The following KRTDAP variants were observed in gnomAD, a reference collection of about 807,000 sequenced individuals.
KRTDAP encodes the protein keratinocyte differentiation associated protein, also known as keratinocyte differentiation-associated protein.
A neutral mutation model predicts 18.6 loss-of-function variants in KRTDAP; 14 were observed. That is an observed-to-expected ratio of 0.75 (90% confidence interval 0.50 to 1.18). The LOEUF is 1.18. Among genes scored for constraint, KRTDAP ranks in the 50% most tolerant of loss-of-function variants. The pLI is 0.00. For missense variants in KRTDAP, 114 were observed against 121.3 expected, an observed-to-expected ratio of 0.94 and a Z score of 0.28; for synonymous variants, 53 against 49.5, an observed-to-expected ratio of 1.07 and a Z score of -0.29.
intron 5 of KRTDAP, 98 bp downstream of exon 5, chr19:35,487,614 G>T: frequency 8.2e-7 from 1 of 1,217,798 alleles, no homozygotes; most frequent in Non-Finnish European, 1.2e-6. Context: ...TGGTGAGAAG[G>T]CTGATCCTCC....
At chr19:35,490,324 T>C in intron 1 of KRTDAP, 32 bp downstream of exon 1, 1 of 1,429,592 alleles carries the variant, frequency 7.0e-7, no homozygotes, top group Non-Finnish European at 9.7e-7. Flanking sequence ...GGGTAACACG[T>C]ATAAGAATAA....
chr19:35,488,562 G>A (rs10407971), intron 3 of KRTDAP, 77 bp from the exon 4 acceptor site: 65,902 of 1,607,120 alleles, frequency 0.041, 1,644 homozygotes, highest in African/African-American at 0.1. Flanking sequence ...CTCTGGAGAA[G>A]GTGAAGGAAC....
At chr19:35,489,588 G>T (rs186652894) in intron 1 of KRTDAP, among the ~76,000 whole-genome samples, 3 of 152,234 alleles carry the variant, frequency 2.0e-5, no homozygotes, top group Admixed American at 1.3e-4. Flanking sequence ...TGGGAAAGTT[G>T]GCCCCATTTC....
chr19:35,488,827 A>G lies in KRTDAP; in HGVS notation c.101T>C (p.Ile34Thr), dbSNP rs373361129. 48 of 1,613,948 alleles carry G rather than the reference A, an allele frequency of 3.0e-5. No individual in the cohort carries two copies. The highest frequency in any genetic ancestry group is 3.8e-5 in the Non-Finnish European group (45 of 1,180,026). The change falls in exon 2 of 6, where the codon ATT becomes ACT. Residue 34 changes from isoleucine to threonine, a missense_variant. Coordinates refer to ENST00000338897, the MANE Select transcript of KRTDAP (RefSeq NM_207392.3). Reference sequence around the variant, plus strand: ...CTCGGGTCGTGACGCATAATTCTCAATGGTGCTTTCTTCCTGGAAAAGGAG... The same window carrying G: ...CTCGGGTCGTGACGCATAATTCTCAGTGGTGCTTTCTTCCTGGAAAAGGAG... ...TLGGPEEEST[I>T]ENYASRPEAF...
At chr19:35,488,771 G>T in intron 2 of KRTDAP, 31 bp downstream of exon 2, 1 of 1,614,118 alleles carries the variant, frequency 6.2e-7, no homozygotes, top group Non-Finnish European at 8.5e-7. Flanking sequence ...CAGACTCGTG[G>T]CTGGAGGGCC....
intron 4 of KRTDAP, 102 bp downstream of exon 4, chr19:35,488,339 G>C: frequency 8.3e-7 from 1 of 1,210,460 alleles, no homozygotes; most frequent in Non-Finnish European, 1.2e-6. Context: ...CTCCCTCCCA[G>C]AGATCAGGAA....
At chr19:35,488,522 C>T (rs745789917) in intron 3 of KRTDAP, 37 bp from the exon 4 acceptor site, 1 of 1,612,182 alleles carries the variant, frequency 6.2e-7, no homozygotes, top group Non-Finnish European at 8.5e-7. Context: ...CAGGTCAGCT[C>T]CAGGGGAGGC....
chr19:35,487,332 G>T lies in KRTDAP; in HGVS notation c.*96C>A. 14 of 1,179,594 alleles carry T rather than the reference G, an allele frequency of 1.2e-5. No homozygotes were observed. In the South Asian group the frequency reaches 1.7e-4, roughly 14 times the overall value. The allele number at this position is 1,179,594 out of a possible 1,614,324, so 73.1% of individuals were successfully genotyped here. A position where few individuals can be genotyped will look rare whatever the true frequency, so the allele number is the denominator to read the frequency against. ...GACGCAGATACAGGAGCTGTTGGAT[G>T]GAAAATGTTTTATTGGAGTTCCTGA... On this transcript the variant is annotated 3_prime_UTR_variant, in exon 6 of 6. Transcript: ENST00000338897.
intron 1 of KRTDAP, 73 bp downstream of exon 1, chr19:35,490,283 G>T: frequency 1.1e-6 from 1 of 910,226 alleles, no homozygotes; most frequent in Non-Finnish European, 1.7e-6. Flanking sequence ...ATCCAGGAAT[G>T]GACAGGAGGT....
chr19:35,488,849 G>A lies in KRTDAP; in HGVS notation c.88-9C>T. ...TCAATGGTGCTTTCTTCCTGGAAAAGGAGAGGGAGAAAAGGCGGCAGGGGG... is the reference window on the plus strand; with the variant it reads ...TCAATGGTGCTTTCTTCCTGGAAAAAGAGAGGGAGAAAAGGCGGCAGGGGG... On this transcript the variant is annotated splice_polypyrimidine_tract_variant and intron_variant, in intron 1 of 5. Transcript: ENST00000338897. The A allele has an allele frequency of 6.2e-7, 1 of 1,613,772 alleles. No homozygotes were observed. Among genetic ancestry groups the A allele is most frequent in the Non-Finnish European group, 8.5e-7 (1 of 1,179,974 alleles).
intron 1 of KRTDAP, among the ~76,000 whole-genome samples, chr19:35,490,071 T>A (rs1267734196): frequency 6.6e-6 from 1 of 152,010 alleles, no homozygotes; most frequent in Non-Finnish European, 1.5e-5. Context: ...TGAGAGCCCA[T>A]GGTGGAGATA....
chr19:35,487,668 C>A, intron 5 of KRTDAP, 44 bp downstream of exon 5: 3 of 1,535,656 alleles, frequency 2.0e-6, no homozygotes, highest in Non-Finnish European at 2.7e-6. Context: ...TGCTTCTTCC[C>A]TTACCCCCAA....
At chr19:35,489,850 A>G (rs2067512446) in intron 1 of KRTDAP, among the ~76,000 whole-genome samples, 1 of 152,006 alleles carries the variant, frequency 6.6e-6, no homozygotes, top group Non-Finnish European at 1.5e-5. Flanking sequence ...TGTCTCCAGA[A>G]CACCCCAGCC....
In KRTDAP at chr19:35,488,667, G is replaced by T. The variant is rs780621881; in HGVS notation, c.163C>A (p.Arg55=). Residue 55 remains arginine (R), a synonymous_variant, in exon 3 of 6, where the codon CGA becomes AGA. Coordinates refer to ENST00000338897, the MANE Select transcript of KRTDAP (RefSeq NM_207392.3). ...NTPFLNIDKL[R]SAFKADEFLN... ...CACCAGAGAAGCGTACTCACAGATC[G>T]CAATTTGTCGATGTTCAGGAACGGG... 1 of 1,614,150 alleles carries T rather than the reference G, an allele frequency of 6.2e-7. No homozygotes were observed.
intron 4 of KRTDAP, among the ~76,000 whole-genome samples, 169 bp downstream of exon 4, chr19:35,488,272 C>T (rs1235726336): frequency 3.9e-5 from 6 of 152,168 alleles, no homozygotes; most frequent in African/African-American, 1.4e-4. Context: ...GGACTGGCGC[C>T]GGGGGAAGCT....
chr19:35,489,060 TG>T (rs887182464), intron 1 of KRTDAP, among the ~76,000 whole-genome samples: 5 of 152,192 alleles, frequency 3.3e-5, no homozygotes, highest in Non-Finnish European at 7.3e-5. Flanking sequence ...AGTGTCACCA[TG>T]GGCAGCAGGC....
At chr19:35,488,141 G>A (rs1003377909) in intron 4 of KRTDAP, among the ~76,000 whole-genome samples, 11 of 152,236 alleles carry the variant, frequency 7.2e-5, no homozygotes, top group Non-Finnish European at 1.6e-4. Flanking sequence ...GTGGGCCTCA[G>A]TTTTTCCATA....
chr19:35,488,872 G>T (rs1234000392), intron 1 of KRTDAP, 32 bp from the exon 2 acceptor site: 2 of 1,610,124 alleles, frequency 1.2e-6, no homozygotes, highest in Non-Finnish European at 1.7e-6. Flanking sequence ...AGGCGGCAGG[G>T]GGTCACGTGA....
chr19:35,489,551 G>C (rs879515256), intron 1 of KRTDAP, among the ~76,000 whole-genome samples: 4 of 152,204 alleles, frequency 2.6e-5, no homozygotes, highest in Admixed American at 6.5e-5. Flanking sequence ...CATGGCGTCA[G>C]GTGGGGTGAA....
Sources: gnomAD v4.1 joint callset for allele counts (sites outside exome capture counted in the v4.1 genomes callset) on GRCh38, gnomAD v4.1.1 for gene constraint, MANE v1.5 for transcripts, NCBI Gene and HGNC (gene_info 2026-07-23, HGNC 2026-07-21) for gene names.